ADGB: variants seen among roughly 807,000 people sequenced by gnomAD.
ADGB encodes androglobin, also known as calpain-7-like protein.
A neutral mutation model predicts 210.5 loss-of-function variants in ADGB; 172 were observed. The observed-to-expected ratio is 0.82, with a 90% confidence interval of 0.72 to 0.93. ADGB has a LOEUF of 0.93. Ranked by LOEUF, ADGB falls within the 40% of genes least tolerant of loss-of-function variation. The pLI, the probability that ADGB is intolerant of heterozygous loss-of-function variation, is 0.00. For synonymous variants in ADGB, 658 were observed against 662.7 expected, an observed-to-expected ratio of 0.99 and a Z score of 0.11; for missense variants, 2,025 against 1,964.8, an observed-to-expected ratio of 1.03 and a Z score of -0.58.
chr6:146,784,333 G>A (rs890785211), intron 30 of ADGB, among the ~76,000 whole-genome samples: 2 of 152,022 alleles, frequency 1.3e-5, no homozygotes, highest in African/African-American at 4.8e-5. Context: ...TCTGTCTGTG[G>A]TGTATATCAA....
At chr6:146,810,456 T>TATTAA (rs1415668964) in intron 35 of ADGB, among the ~76,000 whole-genome samples, 1 of 152,160 alleles carries the variant, frequency 6.6e-6, no homozygotes, top group Non-Finnish European at 1.5e-5. Flanking sequence ...CCTGGGTATA[T>TATTAA]ATTAAAGGAA....
At chr6:146,702,793 C>T (rs982247279) in intron 13 of ADGB, among the ~76,000 whole-genome samples, 2 of 151,766 alleles carry the variant, frequency 1.3e-5, no homozygotes, top group African/African-American at 4.8e-5. Flanking sequence ...TAATCTTTTG[C>T]TATTATAAAT....
chr6:146,787,236 G>A (rs773415807), intron 32 of ADGB, among the ~76,000 whole-genome samples: 1 of 152,064 alleles, frequency 6.6e-6, no homozygotes, highest in African/African-American at 2.4e-5. Flanking sequence ...ATTAATTTTT[G>A]CATGTGAATA....
At chr6:146,696,094 C>T (rs546982627) in intron 12 of ADGB, among the ~76,000 whole-genome samples, 36 of 149,030 alleles carry the variant, frequency 2.4e-4, no homozygotes, top group African/African-American at 7.9e-4. Flanking sequence ...TTTTTTTTCC[C>T]GAGATGGAGT....
chr6:146,645,430 C>T (rs1381653644), intron 3 of ADGB, among the ~76,000 whole-genome samples: 1 of 151,988 alleles, frequency 6.6e-6, no homozygotes. Flanking sequence ...TCTTCAGACA[C>T]CCTAGTCTAT....
intron 16 of ADGB, among the ~76,000 whole-genome samples, chr6:146,718,135 G>A (rs1012875557): frequency 6.6e-6 from 1 of 151,990 alleles, no homozygotes; most frequent in Non-Finnish European, 1.5e-5. Context: ...TCTGGGTTAA[G>A]AGTCTCAGCT....
At chr6:146,623,720 G>A (rs1429147120) in intron 1 of ADGB, among the ~76,000 whole-genome samples, 1 of 151,840 alleles carries the variant, frequency 6.6e-6, no homozygotes, top group Non-Finnish European at 1.5e-5. Context: ...GTCAGTTCCA[G>A]GTTTCTGTAG....
chr6:146,746,134 A>G, intron 26 of ADGB, 25 bp downstream of exon 26: 5 of 1,425,202 alleles, frequency 3.5e-6, no homozygotes, highest in Non-Finnish European at 4.7e-6. Context: ...CAGAAGGGGA[A>G]AGGCATTTTT....
In ADGB at chr6:146,661,644, T is replaced by C. The variant is rs367940454; in HGVS notation, c.613-2557T>C. 2.4e-3 allele frequency among the ~76,000 whole-genome samples: 372 copies of C among 152,256 alleles called. 1 individual carries two copies. The highest frequency in any genetic ancestry group is 3.1e-3 in the Non-Finnish European group (210 of 68,006). On this transcript the variant is annotated intron_variant, in intron 5 of 35. Transcript: ENST00000397944. ...AGTACCACATTTAGTCATATGTTCA[T>C]TTTTTATTTTTTAAGTAAATATTTT...
chr6:146,682,800 C>G (rs1444851397), intron 9 of ADGB, among the ~76,000 whole-genome samples: 1 of 152,012 alleles, frequency 6.6e-6, no homozygotes, highest in Non-Finnish European at 1.5e-5. Flanking sequence ...CCCTTTAGAC[C>G]CTTTACAAAT....
At position 146,664,278 on chromosome 6, in the gene ADGB, T is replaced by G; in HGVS notation, c.690T>G (p.Thr230=). The G allele has an allele frequency of 6.5e-7, 1 of 1,550,198 alleles. No individual in the cohort carries two copies. Among genetic ancestry groups the G allele is most frequent in the Non-Finnish European group, 8.7e-7 (1 of 1,146,148 alleles). The change falls in exon 6 of 36, where the codon ACT becomes ACG. Residue 230 remains threonine (T), a synonymous_variant. Coordinates refer to ENST00000397944, the MANE Select transcript of ADGB (RefSeq NM_024694.4). ...ACAATCTATTGCTTCCAGCTACAAC[T>G]TATGAATTTGAACTGTGGCCAATGC... The part of the protein sequence containing the change: ...EDNNLLLPAT[T]YEFELWPMLL...
intron 1 of ADGB, among the ~76,000 whole-genome samples, chr6:146,619,628 T>C (rs1477813298): frequency 6.6e-6 from 1 of 152,080 alleles, no homozygotes; most frequent in Non-Finnish European, 1.5e-5. Context: ...AATGACTTAA[T>C]CTTGATCACA....
Position 146,740,456 on chromosome 6 carries a change from T to C in ADGB, c.2889-3T>C. ...GATACATAATTTATTTTTATATTTC[T>C]AGACTAATGTTTAAAAGCAAGTGCA... On this transcript the variant is annotated splice_region_variant and splice_polypyrimidine_tract_variant and intron_variant, in intron 23 of 35. Transcript: ENST00000397944. 1 of 1,531,212 alleles carries C rather than the reference T, an allele frequency of 6.5e-7. No homozygotes were observed. The highest frequency in any genetic ancestry group is 8.8e-7 in the Non-Finnish European group (1 of 1,136,876). The allele number at this position is 1,531,212 out of a possible 1,614,324, so 94.9% of individuals were successfully genotyped here.
At chr6:146,626,043 A>G (rs947982117) in intron 1 of ADGB, among the ~76,000 whole-genome samples, 2 of 151,868 alleles carry the variant, frequency 1.3e-5, no homozygotes, top group African/African-American at 4.8e-5. Context: ...TAAAAATTCT[A>G]CTTATCTCCT....
At chr6:146,707,510 G>T (rs570038276) in intron 13 of ADGB, among the ~76,000 whole-genome samples, 9 of 152,088 alleles carry the variant, frequency 5.9e-5, no homozygotes, top group Non-Finnish European at 1.3e-4. Flanking sequence ...ACATTTAGGT[G>T]CTCTGATGTT....
At position 146,647,111 on chromosome 6, in the gene ADGB, AC is replaced by A. The variant is rs1303809464; in HGVS notation, c.330+2247del. On this transcript the variant is annotated intron_variant, in intron 3 of 35. Transcript: ENST00000397944. Reference sequence around the variant, plus strand: ...CTCAAAAAAAAACAAAAAACAAAAAACAAAAAACAAACAAACAAACAAAAAC... The same window carrying A: ...CTCAAAAAAAAACAAAAAACAAAAAAAAAAAACAAACAAACAAACAAAAAC... Among the ~76,000 whole-genome samples the A allele has an allele frequency of 5.3e-5, 8 of 149,912 alleles. No homozygotes were observed. The East Asian group carries it at 5.9e-4, about 11-fold the overall frequency.
intron 9 of ADGB, among the ~76,000 whole-genome samples, chr6:146,684,570 T>C (rs551492477): frequency 6.6e-6 from 1 of 152,220 alleles, no homozygotes; most frequent in African/African-American, 2.4e-5. Context: ...TTCATTCTTT[T>C]TAAAAGGAAT....
rs1278604215 is a variant in ADGB at position 146,656,789 on chromosome 6, A to G, written c.421A>G (p.Ser141Gly). The change falls in exon 5 of 36, where the codon AGT becomes GGT. Residue 141 changes from serine to glycine, a missense_variant. Transcript: ENST00000397944. ...LCSELMRWII[S>G]EIYAVWKIFN... ...TCTCTAGCTGATGAGATGGATTATC[A>G]GTGAAATCTATGCAGTGTGGAAGAT... 6.5e-7 allele frequency: 1 copy of G among 1,538,376 alleles called. No homozygotes were observed. Among genetic ancestry groups the G allele is most frequent in the South Asian group, 1.2e-5 (1 of 81,276 alleles).
chr6:146,702,144 G>C (rs150007639), intron 13 of ADGB, among the ~76,000 whole-genome samples: 82 of 151,814 alleles, frequency 5.4e-4, no homozygotes, highest in African/African-American at 1.9e-3. Context: ...TATCATATTA[G>C]GAAACCCTGT....
Sources: gnomAD v4.1 joint callset for allele counts (sites outside exome capture counted in the v4.1 genomes callset) on GRCh38, gnomAD v4.1.1 for gene constraint, MANE v1.5 for transcripts, NCBI Gene and HGNC (gene_info 2026-07-23, HGNC 2026-07-21) for gene names.